Variants in PIK3R5 observed in about 807,000 individuals in gnomAD.
PIK3R5 encodes the protein phosphoinositide-3-kinase regulatory subunit 5, also known as phosphoinositide 3-kinase regulatory subunit 5.
Under a neutral mutation model 94.9 loss-of-function variants are expected in PIK3R5, and 32 were observed. The ratio of observed to expected loss-of-function variants is 0.34; its 90% confidence interval spans 0.25 to 0.45. The LOEUF (loss-of-function observed/expected upper bound fraction) is 0.45. Ranked by LOEUF, PIK3R5 falls within the 20% of genes least tolerant of loss-of-function variation. PIK3R5 has a pLI of 1.00. For missense variants in PIK3R5, 853 were observed against 1,144.6 expected (o/e 0.75, Z 3.68); for synonymous variants, 443 against 479.4 (o/e 0.92, Z 0.99).
chr17:8,886,417 G>A (rs951859791), intron 13 of PIK3R5, 60 bp downstream of exon 13: 6 of 1,600,498 alleles, frequency 3.7e-6, no homozygotes, highest in Non-Finnish European at 5.1e-6. Flanking sequence ...CCGGGGCAGG[G>A]GTGGGGCCTT....
At chr17:8,914,141 G>A (rs1289714007) in intron 1 of PIK3R5, among the ~76,000 whole-genome samples, 1 of 152,230 alleles carries the variant, frequency 6.6e-6, no homozygotes, top group African/African-American at 2.4e-5. Context: ...AGATGTGACA[G>A]CGACCCTTTG....
chr17:8,946,490 G>A (rs754555023), intron 1 of PIK3R5, among the ~76,000 whole-genome samples: 11 of 151,474 alleles, frequency 7.3e-5, no homozygotes, highest in Non-Finnish European at 1.6e-4. Context: ...CATCCATAAG[G>A]CATCCAAGAT....
chr17:8,939,900 A>G (rs904191126), intron 1 of PIK3R5, among the ~76,000 whole-genome samples: 1 of 152,214 alleles, frequency 6.6e-6, no homozygotes, highest in Non-Finnish European at 1.5e-5. Context: ...TCCCTACTCC[A>G]GAATTCCTCA....
chr17:8,944,908 G>A (rs547944083), intron 1 of PIK3R5, among the ~76,000 whole-genome samples: 13 of 152,260 alleles, frequency 8.5e-5, no homozygotes, highest in Admixed American at 6.5e-4. Context: ...CTACACTTAC[G>A]CCCTAATGTG....
chr17:8,929,529 C>A (rs899047581), intron 1 of PIK3R5, among the ~76,000 whole-genome samples: 1 of 151,944 alleles, frequency 6.6e-6, no homozygotes, highest in South Asian at 2.1e-4. Context: ...GTGTTCACAC[C>A]AAAAAGATAT....
At chr17:8,900,035 C>T (rs1463694002) in intron 5 of PIK3R5, among the ~76,000 whole-genome samples, 1 of 149,862 alleles carries the variant, frequency 6.7e-6, no homozygotes, top group Non-Finnish European at 1.5e-5. Context: ...GAGATTCCAT[C>T]TTAAAAAAAA....
intron 1 of PIK3R5, among the ~76,000 whole-genome samples, chr17:8,946,794 C>T (rs1276137300): frequency 6.6e-6 from 1 of 152,032 alleles, no homozygotes; most frequent in African/African-American, 2.4e-5. Context: ...CCTGAGTGCT[C>T]TTCTTCTAGG....
intron 2 of PIK3R5, among the ~76,000 whole-genome samples, chr17:8,910,758 T>C (rs908260997): frequency 1.3e-5 from 2 of 152,034 alleles, no homozygotes; most frequent in Non-Finnish European, 2.9e-5. Flanking sequence ...GGTGCTGAGG[T>C]ACGGAGGGAC....
At chr17:8,929,156 T>C (rs941590290) in intron 1 of PIK3R5, among the ~76,000 whole-genome samples, 4 of 152,090 alleles carry the variant, frequency 2.6e-5, no homozygotes, top group East Asian at 1.9e-4. Flanking sequence ...AGTTAGTCCA[T>C]AGGAAAAAAT....
intron 12 of PIK3R5, among the ~76,000 whole-genome samples, chr17:8,886,843 G>A (rs371259): frequency 0.15 from 22,898 of 152,102 alleles, 2,036 homozygotes; most frequent in South Asian, 0.26. Flanking sequence ...AGTTGAGGAA[G>A]GGGGCTGAAA....
intron 1 of PIK3R5, among the ~76,000 whole-genome samples, chr17:8,929,866 C>T (rs7224760): frequency 0.045 from 6,802 of 152,230 alleles, 516 homozygotes; most frequent in African/African-American, 0.16. Context: ...GTACAATGTA[C>T]ACTACTCAGA....
In PIK3R5 at chr17:8,890,917, G is replaced by A. The variant is rs2090007728; in HGVS notation, c.483-5C>T. The A allele has an allele frequency of 6.2e-7, 1 of 1,612,586 alleles. No individual in the cohort carries two copies. The highest frequency in any genetic ancestry group is 8.5e-7 in the Non-Finnish European group (1 of 1,179,706). On this transcript the variant is annotated splice_region_variant and splice_polypyrimidine_tract_variant and intron_variant, in intron 6 of 18. Coordinates refer to ENST00000447110, the MANE Select transcript of PIK3R5 (RefSeq NM_001142633.3). This position sits in a 1 kb window ranked among gnomAD's most constrained non-coding sequence, Gnocchi z 6.1. ...GGGTTCAGCAGCAGCACGGTGCTGG[G>A]GACACAGGGGACCGGCTATGGCACC...
Position 8,905,743 on chromosome 17 carries a change from G to T in PIK3R5, c.205-6C>A. The T allele has an allele frequency of 6.3e-7, 1 of 1,590,238 alleles. No individual in the cohort carries two copies. Among genetic ancestry groups the T allele is most frequent in the East Asian group, 2.3e-5 (1 of 44,026 alleles). On this transcript the variant is annotated splice_region_variant and splice_polypyrimidine_tract_variant and intron_variant, in intron 3 of 18. Coordinates refer to ENST00000447110, the MANE Select transcript of PIK3R5 (RefSeq NM_001142633.3). Reference sequence around the variant, plus strand: ...TAGGTGCCCTTCTCCTGGACCTGTGGAGAGGAGGAGAAGGGGAATGAGCCT... The same window carrying T: ...TAGGTGCCCTTCTCCTGGACCTGTGTAGAGGAGGAGAAGGGGAATGAGCCT...
chr17:8,965,190 C>G (rs1346823997), intron 1 of PIK3R5, among the ~76,000 whole-genome samples: 1 of 152,232 alleles, frequency 6.6e-6, no homozygotes, highest in Non-Finnish European at 1.5e-5. Context: ...TCCATGACTC[C>G]CAGGTTCTGA....
At chr17:8,938,972 G>C (rs1211429537) in intron 1 of PIK3R5, among the ~76,000 whole-genome samples, 1 of 152,140 alleles carries the variant, frequency 6.6e-6, no homozygotes, top group Non-Finnish European at 1.5e-5. Context: ...AGTTTCCTCT[G>C]TAAAAAGAGA....
At chr17:8,964,999 G>A (rs1372600596) in intron 1 of PIK3R5, among the ~76,000 whole-genome samples, 6 of 74,898 alleles carry the variant, frequency 8.0e-5, no homozygotes, top group African/African-American at 2.1e-4. Context: ...ACATGCGCAT[G>A]CCCACACACA....
At position 8,880,195 on chromosome 17, in the gene PIK3R5, G is replaced by A. The variant is rs992294049; in HGVS notation, c.*444C>T. 1.3e-5 allele frequency: 2 copies of A among 156,858 alleles called. No individual in the cohort carries two copies. Among genetic ancestry groups the A allele is most frequent in the Admixed American group, 1.3e-4 (2 of 15,490 alleles). 9.7% of individuals were successfully genotyped at this position (156,858 alleles called of 1,614,324 possible). Reference sequence around the variant, plus strand: ...TTTCATCCACATTTCAATCACCTGAGCCCCACAGAGGAGGGGACTGAACTC... The same window carrying A: ...TTTCATCCACATTTCAATCACCTGAACCCCACAGAGGAGGGGACTGAACTC... On this transcript the variant is annotated 3_prime_UTR_variant, in exon 19 of 19. Transcript: ENST00000447110.
intron 5 of PIK3R5, among the ~76,000 whole-genome samples, chr17:8,894,437 T>C (rs947293463): frequency 1.3e-5 from 2 of 152,184 alleles, no homozygotes; most frequent in African/African-American, 4.8e-5. Context: ...CGTCTCTGCC[T>C]GGAGTCCGGG....
chr17:8,934,154 T>G (rs1475069258), intron 1 of PIK3R5, among the ~76,000 whole-genome samples: 1 of 152,206 alleles, frequency 6.6e-6, no homozygotes, highest in Non-Finnish European at 1.5e-5. Flanking sequence ...GTCTTTACTC[T>G]GAGATGACAT....
Sources: gnomAD v4.1 joint callset for allele counts (sites outside exome capture counted in the v4.1 genomes callset) on GRCh38, gnomAD v4.1.1 for gene constraint, Gnocchi (gnomAD v3.1) non-coding constraint, MANE v1.5 for transcripts, NCBI Gene and HGNC (gene_info 2026-07-23, HGNC 2026-07-21) for gene names.